MORC1: variants seen among roughly 807,000 people sequenced by gnomAD.
The protein encoded by MORC1 is MORC family CW-type zinc finger protein 1.
Under a neutral mutation model 134.9 loss-of-function variants are expected in MORC1, and 59 were observed. That is an observed-to-expected ratio of 0.44 (90% confidence interval 0.35 to 0.54). MORC1 has a LOEUF of 0.54. Ranked by LOEUF, MORC1 falls within the 20% of genes least tolerant of loss-of-function variation. MORC1 has a pLI of 0.00. For synonymous variants in MORC1, 395 were observed against 391.7 expected (o/e 1.01, Z -0.10); for missense variants, 947 against 1,134.5 (o/e 0.83, Z 2.37).
At chr3:109,054,364 A>G (rs1949906592) in intron 14 of MORC1, among the ~76,000 whole-genome samples, 1 of 152,156 alleles carries the variant, frequency 6.6e-6, no homozygotes, top group African/African-American at 2.4e-5. Flanking sequence ...ACAACATTAT[A>G]AGAGCTACTA....
At position 109,111,050 on chromosome 3, in the gene MORC1, TAA is replaced by T. The variant is rs11344763; in HGVS notation, c.120-269_120-268del. On this transcript the variant is annotated intron_variant, in intron 2 of 27. Coordinates refer to ENST00000232603, the MANE Select transcript of MORC1 (RefSeq NM_014429.4). Reference sequence around the variant, plus strand: ...AAAAACTAACAAAATGGATATAATTTAAAAAAAAAAAAAAAAAACAAAAAAAG... The same window carrying T: ...AAAAACTAACAAAATGGATATAATTTAAAAAAAAAAAAAAAACAAAAAAAG... Among the ~76,000 whole-genome samples the T allele has an allele frequency of 2.7e-3, 302 of 113,856 alleles. 1 individual carries two copies. The highest frequency in any genetic ancestry group is 0.012 in the East Asian group (46 of 3,842). The allele number at this position is 113,856 out of a possible 152,430, so 74.7% of individuals were successfully genotyped here.
At chr3:108,991,093 G>T (rs1340329281) in intron 21 of MORC1, among the ~76,000 whole-genome samples, 2 of 152,198 alleles carry the variant, frequency 1.3e-5, no homozygotes, top group Non-Finnish European at 2.9e-5. Context: ...AGCCTCAAAA[G>T]ACATCAGGCC....
chr3:109,035,429 T>C lies in MORC1; in HGVS notation c.1370A>G (p.Tyr457Cys). 1 of 1,534,504 alleles carries C rather than the reference T, an allele frequency of 6.5e-7. No homozygotes were observed. The highest frequency in any genetic ancestry group is 8.9e-7 in the Non-Finnish European group (1 of 1,122,938). The change falls in exon 15 of 28, where the codon TAC becomes TGC. Residue 457 changes from tyrosine (Y) to cysteine (C), a missense_variant. Tyr to Cys is a radical substitution (Grantham distance 194). Transcript: ENST00000232603. Reference sequence around the variant, plus strand: ...TTTCTCCACATCGATGTCATTCTGGTATCCAAATTCATTGCAAAACAATGT... The same window carrying C: ...TTTCTCCACATCGATGTCATTCTGGCATCCAAATTCATTGCAAAACAATGT... ...NLTLFCNEFG[Y>C]QNDIDVEKPL... is the part of the protein sequence containing the mutation.
At chr3:108,995,403 A>C (rs1290865173) in intron 21 of MORC1, among the ~76,000 whole-genome samples, 1 of 152,244 alleles carries the variant, frequency 6.6e-6, no homozygotes, top group Non-Finnish European at 1.5e-5. Flanking sequence ...AACACACTTC[A>C]GAATACCCAC....
At chr3:109,017,674 T>C (rs980739672) in intron 17 of MORC1, among the ~76,000 whole-genome samples, 5 of 152,222 alleles carry the variant, frequency 3.3e-5, no homozygotes, top group African/African-American at 9.7e-5. Flanking sequence ...TTTTGTAAAA[T>C]AGAAATCTGA....
Position 109,066,584 on chromosome 3 carries a change from C to T in MORC1, c.815+3048G>A, listed in dbSNP as rs527363128. Among the ~76,000 whole-genome samples the T allele has an allele frequency of 1.1e-4, 17 of 152,322 alleles. No homozygotes were observed. The East Asian group carries it at 3.3e-3, about 29-fold the overall frequency. ...TACAGGCGTGAGCCACTGCACCCAG[C>T]CCAGGAATTTTCTCTTTTTGCTTTT... On this transcript the variant is annotated intron_variant, in intron 9 of 27. Coordinates refer to ENST00000232603, the MANE Select transcript of MORC1 (RefSeq NM_014429.4).
chr3:109,078,543 A>G (rs1271765445), intron 8 of MORC1, among the ~76,000 whole-genome samples: 1 of 151,970 alleles, frequency 6.6e-6, no homozygotes, highest in African/African-American at 2.4e-5. Context: ...GAATACAGCT[A>G]TTATATAACG....
At chr3:109,099,577 G>T in intron 5 of MORC1, 111 bp from the exon 6 acceptor site, 6 of 759,090 alleles carry the variant, frequency 7.9e-6, no homozygotes, top group Non-Finnish European at 1.2e-5. Flanking sequence ...CCAACACTCT[G>T]TTCTGCTGAC....
At chr3:108,982,866 A>G (rs769844892) in intron 23 of MORC1, among the ~76,000 whole-genome samples, 8 of 151,990 alleles carry the variant, frequency 5.3e-5, no homozygotes, top group Non-Finnish European at 1.0e-4. Flanking sequence ...GGCAATCACC[A>G]TTCTGATTTC....
chr3:109,099,270 A>T, intron 6 of MORC1, 88 bp downstream of exon 6: 1 of 875,878 alleles, frequency 1.1e-6, no homozygotes. Context: ...AATATCAGAA[A>T]GAACCCATGA....
At chr3:109,082,231 G>A (rs1278345056) in intron 8 of MORC1, among the ~76,000 whole-genome samples, 1 of 150,526 alleles carries the variant, frequency 6.6e-6, no homozygotes, top group Non-Finnish European at 1.5e-5. Flanking sequence ...AAAGAAGGCA[G>A]CAACCTAGGA....
intron 14 of MORC1, among the ~76,000 whole-genome samples, chr3:109,050,615 A>C (rs532810387): frequency 1.3e-5 from 2 of 152,308 alleles, no homozygotes; most frequent in Non-Finnish European, 2.9e-5. Context: ...ACCACCCTAG[A>C]CTGTAAGTTC....
intron 2 of MORC1, 80 bp downstream of exon 2, chr3:109,114,304 C>T: frequency 8.0e-7 from 1 of 1,248,446 alleles, no homozygotes; most frequent in Non-Finnish European, 1.1e-6. Context: ...ATGACATGAT[C>T]TTTTTATCTT....
chr3:109,072,934 A>AACACACACACACACACAC (rs58749136), intron 8 of MORC1, among the ~76,000 whole-genome samples: 4 of 144,746 alleles, frequency 2.8e-5, no homozygotes, highest in African/African-American at 1.1e-4. Context: ...AATCTCCCTC[A>AACACACACACACACACAC]ACACACACAC....
chr3:109,061,987 C>T lies in MORC1; in HGVS notation c.966+1G>A. On this transcript the variant is annotated splice_donor_variant, in intron 11 of 27. Coordinates refer to ENST00000232603, the MANE Select transcript of MORC1 (RefSeq NM_014429.4). LOFTEE classifies it high-confidence loss of function. ...AAGACTACTCTCTTTACATGTCGTACCTTGGCAGAAGATAAAGAGGTTCTG... is the reference window on the plus strand; with the variant it reads ...AAGACTACTCTCTTTACATGTCGTATCTTGGCAGAAGATAAAGAGGTTCTG... 2 of 1,613,334 alleles carry T rather than the reference C, an allele frequency of 1.2e-6. No individual in the cohort carries two copies. The highest frequency in any genetic ancestry group is 1.1e-5 in the South Asian group (1 of 91,062).
At chr3:109,062,834 C>A (rs989624743) in intron 10 of MORC1, among the ~76,000 whole-genome samples, 3 of 152,134 alleles carry the variant, frequency 2.0e-5, no homozygotes, top group Non-Finnish European at 4.4e-5. Flanking sequence ...AAGTAATTCT[C>A]CCATCTTGTC....
chr3:109,021,452 G>A (rs1215038568), intron 17 of MORC1, among the ~76,000 whole-genome samples: 1 of 152,190 alleles, frequency 6.6e-6, no homozygotes, highest in Non-Finnish European at 1.5e-5. Context: ...AAGACTGCCT[G>A]CAACTGTCAA....
Position 108,979,505 on chromosome 3 carries a change from A to G in MORC1, c.2477+10T>C, listed in dbSNP as rs1947652258. On this transcript the variant is annotated intron_variant, in intron 24 of 27. Transcript: ENST00000232603. ...AAAGCATGTGGAAATATGTGAGTAAATATCTTTACCTTAACTTAGACTTCA... is the reference window on the plus strand; with the variant it reads ...AAAGCATGTGGAAATATGTGAGTAAGTATCTTTACCTTAACTTAGACTTCA... The G allele has an allele frequency of 6.2e-7, 1 of 1,613,010 alleles. No homozygotes were observed. The highest frequency in any genetic ancestry group is 8.5e-7 in the Non-Finnish European group (1 of 1,179,500).
intron 16 of MORC1, among the ~76,000 whole-genome samples, chr3:109,029,979 T>C (rs1035850791): frequency 1.3e-5 from 2 of 152,212 alleles, no homozygotes; most frequent in Non-Finnish European, 2.9e-5. Context: ...GGAAAGTTCA[T>C]AGGCCTTTTA....
Sources: allele counts gnomAD v4.1 joint callset (sites outside exome capture counted in the v4.1 genomes callset), GRCh38; gene constraint gnomAD v4.1.1; transcripts MANE v1.5; gene names NCBI Gene and HGNC (gene_info 2026-07-23, HGNC 2026-07-21).